ATP8B4: variants seen among roughly 807,000 people sequenced by gnomAD.
The protein encoded by ATP8B4 is probable phospholipid-transporting ATPase IM.
Under a neutral mutation model 145.6 loss-of-function variants are expected in ATP8B4, and 133 were observed. The ratio of observed to expected loss-of-function variants is 0.91; its 90% confidence interval spans 0.79 to 1.05. The LOEUF is 1.05. Ranked by LOEUF, ATP8B4 falls within the 50% of genes least tolerant of loss-of-function variation. ATP8B4 has a pLI of 0.00. For missense variants in ATP8B4, 1,458 were observed against 1,425.2 expected, an observed-to-expected ratio of 1.02 and a Z score of -0.37; for synonymous variants, 507 against 492.9, an observed-to-expected ratio of 1.03 and a Z score of -0.38.
intron 14 of ATP8B4, among the ~76,000 whole-genome samples, chr15:49,952,574 T>A (rs1018499193): frequency 3.3e-5 from 5 of 152,210 alleles, no homozygotes; most frequent in African/African-American, 1.2e-4. Context: ...TCTAAACTGA[T>A]TATTCCAGTT....
chr15:49,884,518 C>T (rs2035911503), intron 23 of ATP8B4, among the ~76,000 whole-genome samples: 1 of 147,508 alleles, frequency 6.8e-6, no homozygotes, highest in African/African-American at 2.5e-5. Flanking sequence ...AGGAGAATCA[C>T]TTGAACGTGG....
At chr15:49,972,268 T>TAAG (rs2045223937) in intron 13 of ATP8B4, among the ~76,000 whole-genome samples, 1 of 151,874 alleles carries the variant, frequency 6.6e-6, no homozygotes, top group African/African-American at 2.4e-5. Context: ...ACTTAAAGTA[T>TAAG]AATAATAATA....
At chr15:50,154,748 T>C (rs6493408) in intron 1 of ATP8B4, among the ~76,000 whole-genome samples, 149,165 of 152,084 alleles carry the variant, frequency 0.98, 73,235 homozygotes, top group East Asian at 1. Flanking sequence ...GATCTCAACT[T>C]ACTGCAACCT....
intron 2 of ATP8B4, among the ~76,000 whole-genome samples, chr15:50,099,235 A>T (rs185344831): frequency 6.6e-6 from 1 of 152,328 alleles, no homozygotes; most frequent in Non-Finnish European, 1.5e-5. Flanking sequence ...ACCCATAAAC[A>T]ACCTTCTTCC....
chr15:50,147,863 A>G (rs1206202425), intron 1 of ATP8B4, among the ~76,000 whole-genome samples: 1 of 152,234 alleles, frequency 6.6e-6, no homozygotes, highest in Non-Finnish European at 1.5e-5. Context: ...CATAGAAATA[A>G]TAGATTCAGG....
chr15:50,049,175 TG>T (rs2051973812), intron 3 of ATP8B4, among the ~76,000 whole-genome samples: 1 of 152,260 alleles, frequency 6.6e-6, no homozygotes, highest in Non-Finnish European at 1.5e-5. Flanking sequence ...TAAAATTTTT[TG>T]CTATCTTTGT....
chr15:49,989,536 A>C (rs1474451007), intron 9 of ATP8B4, among the ~76,000 whole-genome samples: 1 of 152,202 alleles, frequency 6.6e-6, no homozygotes, highest in Non-Finnish European at 1.5e-5. Context: ...AAAGACTGAC[A>C]TGGAGGCAAA....
intron 6 of ATP8B4, among the ~76,000 whole-genome samples, chr15:50,020,116 G>C (rs1289989192): frequency 1.3e-5 from 2 of 151,852 alleles, no homozygotes; most frequent in Non-Finnish European, 2.9e-5. Flanking sequence ...CACCATGCCT[G>C]GCTAATTTTT....
At chr15:50,154,217 A>G (rs1282099606) in intron 1 of ATP8B4, among the ~76,000 whole-genome samples, 1 of 152,172 alleles carries the variant, frequency 6.6e-6, no homozygotes, top group East Asian at 1.9e-4. Flanking sequence ...AAAATTTATC[A>G]CACAGGATTC....
At chr15:49,948,051 ATG>A (rs1469758776) in intron 14 of ATP8B4, among the ~76,000 whole-genome samples, 1 of 152,188 alleles carries the variant, frequency 6.6e-6, no homozygotes, top group Non-Finnish European at 1.5e-5. Flanking sequence ...CTTCATAACA[ATG>A]GTCTCGACAA....
intron 6 of ATP8B4, among the ~76,000 whole-genome samples, chr15:50,015,272 A>T (rs992507407): frequency 2.0e-5 from 3 of 152,242 alleles, no homozygotes; most frequent in Non-Finnish European, 4.4e-5. Context: ...ATTGGGATGG[A>T]AGAGAGACTT....
intron 3 of ATP8B4, among the ~76,000 whole-genome samples, chr15:50,071,733 C>T (rs114618158): frequency 0.015 from 2,210 of 152,256 alleles, 62 homozygotes; most frequent in African/African-American, 0.05. Flanking sequence ...TGACATTTGT[C>T]ACCTTGGGGA....
rs1188330998 is a variant in ATP8B4, at chr15:49,978,779, CACACACAT to C, written c.1034+830_1034+837del. ...ACACACACACACACACACACACACA[CACACACAT>C]GCATACATATGTATATAAATAAAGA... On this transcript the variant is annotated intron_variant, in intron 12 of 27. Coordinates refer to ENST00000284509, the MANE Select transcript of ATP8B4 (RefSeq NM_024837.4). Among the ~76,000 whole-genome samples the C allele has an allele frequency of 3.9e-3, 567 of 145,994 alleles. 6 individuals are homozygous for C. The highest frequency in any genetic ancestry group is 0.013 in the African/African-American group (511 of 38,074).
intron 1 of ATP8B4, among the ~76,000 whole-genome samples, chr15:50,161,906 T>C (rs2044524983): frequency 6.6e-6 from 1 of 152,244 alleles, no homozygotes; most frequent in Non-Finnish European, 1.5e-5. Context: ...TTAATGTTCT[T>C]TTCTTTCAGA....
At chr15:50,056,884 T>G (rs922959464) in intron 3 of ATP8B4, among the ~76,000 whole-genome samples, 2 of 151,920 alleles carry the variant, frequency 1.3e-5, no homozygotes, top group Non-Finnish European at 2.9e-5. Context: ...ATAGATTAAT[T>G]TCTTTTTATT....
intron 1 of ATP8B4, among the ~76,000 whole-genome samples, chr15:50,138,330 A>G (rs9672958): frequency 0.087 from 1,862 of 21,344 alleles, 12 homozygotes; most frequent in Middle Eastern, 0.4. Flanking sequence ...AGATAGGTAG[A>G]TAGATAGATA....
intron 13 of ATP8B4, among the ~76,000 whole-genome samples, chr15:49,971,119 C>T (rs2045083848): frequency 6.6e-6 from 1 of 152,100 alleles, no homozygotes; most frequent in Non-Finnish European, 1.5e-5. Flanking sequence ...CAAAAATTAA[C>T]TCAAGATGGA....
chr15:49,987,290 T>A, intron 10 of ATP8B4, 101 bp downstream of exon 10: 2 of 1,349,948 alleles, frequency 1.5e-6, no homozygotes, highest in East Asian at 2.5e-5. Flanking sequence ...TTGCATGGAA[T>A]GAAAGCACTG....
At chr15:50,107,729 A>G (rs1210642692) in intron 1 of ATP8B4, among the ~76,000 whole-genome samples, 2 of 152,170 alleles carry the variant, frequency 1.3e-5, no homozygotes, top group Non-Finnish European at 2.9e-5. Flanking sequence ...CAGTTAGAAA[A>G]AAAATGACTG....
Sources: gnomAD v4.1 joint callset for allele counts (sites outside exome capture counted in the v4.1 genomes callset) on GRCh38, gnomAD v4.1.1 for gene constraint, MANE v1.5 for transcripts, NCBI Gene and HGNC (gene_info 2026-07-23, HGNC 2026-07-21) for gene names.